Variants in SPRED2 observed in about 807,000 individuals in gnomAD.
SPRED2 encodes sprouty-related, EVH1 domain-containing protein 2.
In SPRED2, 47 loss-of-function variants were observed where a neutral mutation model predicts 43.0. The ratio of observed to expected loss-of-function variants is 1.09; its 90% CI spans 0.87 to 1.40. The LOEUF is 1.40. SPRED2 is among the 40% of genes most tolerant of loss of function. SPRED2 has a pLI of 0.00. For missense variants in SPRED2, 561 were observed against 586.4 expected, an observed-to-expected ratio of 0.96 and a Z score of 0.45; for synonymous variants, 225 against 225.7, an observed-to-expected ratio of 1.00 and a Z score of 0.03.
At chr2:65,399,375 C>G (rs984646045) in intron 1 of SPRED2, among the ~76,000 whole-genome samples, 21 of 147,022 alleles carry the variant, frequency 1.4e-4, no homozygotes, top group African/African-American at 5.0e-4. Context: ...GAACTGGAAA[C>G]TATTATTCTT....
At chr2:65,314,240 C>G in intron 5 of SPRED2, 71 bp from the exon 6 acceptor site, 3 of 1,421,472 alleles carry the variant, frequency 2.1e-6, no homozygotes, top group Non-Finnish European at 2.8e-6. Context: ...AAACACCCCA[C>G]CTTCTCCCTC....
chr2:65,387,795 TTC>T (rs200882803), intron 1 of SPRED2, among the ~76,000 whole-genome samples: 1,475 of 147,482 alleles, frequency 0.01, 32 homozygotes, highest in African/African-American at 0.034. Flanking sequence ...GCAAATTCTT[TTC>T]TTTTTCTTTT....
rs138643568 is a variant in SPRED2 at position 65,312,697 on chromosome 2, C to T, written c.*804G>A. The T allele has an allele frequency of 2.6e-3, 2,612 of 985,800 alleles. 2 individuals are homozygous for T. The highest frequency in any genetic ancestry group is 4.2e-3 in the Middle Eastern group (8 of 1,916). 61.1% of individuals were successfully genotyped at this position (985,800 alleles called of 1,614,324 possible). A position where few individuals can be genotyped will look rare whatever the true frequency, so the allele number is the denominator to read the frequency against. On this transcript the variant is annotated 3_prime_UTR_variant, in exon 6 of 6. Coordinates refer to ENST00000356388, the MANE Select transcript of SPRED2 (RefSeq NM_181784.3). ...GGAGGCTCATAGAAACCTGAAATCC[C>T]CATTCTAGCCCTGGTCCAAGAGGAT... is the stretch of plus-strand genomic sequence containing the variant.
intron 4 of SPRED2, among the ~76,000 whole-genome samples, chr2:65,320,910 A>G (rs1016893515): frequency 6.6e-6 from 1 of 152,210 alleles, no homozygotes; most frequent in Non-Finnish European, 1.5e-5. Context: ...TGAGGTATGC[A>G]CATACCTAAT....
At chr2:65,406,558 T>G (rs1464681240) in intron 1 of SPRED2, among the ~76,000 whole-genome samples, 2 of 152,224 alleles carry the variant, frequency 1.3e-5, no homozygotes, top group Non-Finnish European at 2.9e-5. Flanking sequence ...ATACTCTTCG[T>G]GCACCACATG....
intron 1 of SPRED2, among the ~76,000 whole-genome samples, chr2:65,371,249 T>A (rs1452962369): frequency 6.6e-6 from 1 of 152,190 alleles, no homozygotes; most frequent in Non-Finnish European, 1.5e-5. Flanking sequence ...CATTAATGGA[T>A]AATGCAGTTG....
At chr2:65,399,881 G>T (rs936210532) in intron 1 of SPRED2, among the ~76,000 whole-genome samples, 1 of 152,102 alleles carries the variant, frequency 6.6e-6, no homozygotes, top group Admixed American at 6.5e-5. Flanking sequence ...TATTGCTCAG[G>T]TGATGGGTGT....
chr2:65,367,627 G>A (rs955578810), intron 1 of SPRED2, among the ~76,000 whole-genome samples: 8 of 152,036 alleles, frequency 5.3e-5, no homozygotes, highest in Middle Eastern at 3.2e-3. Context: ...TGTATCCTGC[G>A]GCTGTTGTGA....
intron 1 of SPRED2, among the ~76,000 whole-genome samples, chr2:65,364,168 A>T (rs1215198307): frequency 6.6e-6 from 1 of 152,244 alleles, no homozygotes; most frequent in African/African-American, 2.4e-5. Flanking sequence ...TATACACAAT[A>T]GCAATGAGTG....
At chr2:65,356,713 C>T (rs11687535) in intron 1 of SPRED2, among the ~76,000 whole-genome samples, 6,867 of 151,870 alleles carry the variant, frequency 0.045, 262 homozygotes, top group Middle Eastern at 0.14. Flanking sequence ...GTTCTCTGGC[C>T]GGGCGCGGTG....
At chr2:65,351,225 A>T (rs1267319726) in intron 1 of SPRED2, among the ~76,000 whole-genome samples, 1 of 152,110 alleles carries the variant, frequency 6.6e-6, no homozygotes, top group Non-Finnish European at 1.5e-5. Context: ...AGCAATTGTC[A>T]AGAGAAGTCA....
chr2:65,315,518 T>G (rs1673207005), intron 5 of SPRED2, among the ~76,000 whole-genome samples: 1 of 152,182 alleles, frequency 6.6e-6, no homozygotes, highest in Non-Finnish European at 1.5e-5. Context: ...GGTATCAGAG[T>G]TGCCTAGATT....
In SPRED2 at chr2:65,400,439, AG is replaced by A. The variant is rs558671208; in HGVS notation, c.26+31522del. Among the ~76,000 whole-genome samples, 633 of 152,362 alleles carry A rather than the reference AG, an allele frequency of 4.2e-3. 6 individuals carry two copies. Among genetic ancestry groups the A allele is most frequent in the South Asian group, 0.026 (126 of 4,832 alleles). On this transcript the variant is annotated intron_variant, in intron 1 of 5. Coordinates refer to ENST00000356388, the MANE Select transcript of SPRED2 (RefSeq NM_181784.3). ...GAAACTGAAAAACTATTCTCTCAATAGGATCAAAAGCATTTTTGCTTGATGC... is the reference window on the plus strand; with the variant it reads ...GAAACTGAAAAACTATTCTCTCAATAGATCAAAAGCATTTTTGCTTGATGC...
rs1468361118 is a variant in SPRED2, at chr2:65,314,026, C to T, written c.732G>A (p.Ser244=). ...GCACGTAGGAGGAGTCCGCGTCCTC[C>T]GAGGGGTCCGGGTACTTGCCCCTGA... ...APVRGKYPDP[S]EDADSSYVRF... is the part of the protein sequence containing the mutation. Residue 244 remains serine, a synonymous_variant, in exon 6 of 6, where the codon TCG becomes TCA. Coordinates refer to ENST00000356388, the MANE Select transcript of SPRED2 (RefSeq NM_181784.3). The T allele has an allele frequency of 1.9e-6, 3 of 1,614,084 alleles. No individual in the cohort carries two copies. Among genetic ancestry groups the T allele is most frequent in the Admixed American group, 1.7e-5 (1 of 60,030 alleles).
chr2:65,406,841 G>T (rs2103745725), intron 1 of SPRED2, among the ~76,000 whole-genome samples: 1 of 152,268 alleles, frequency 6.6e-6, no homozygotes. Flanking sequence ...AGCCTTGAGA[G>T]TGAGGCAGGG....
intron 2 of SPRED2, chr2:65,344,110 C>T (rs2104262988): frequency 6.7e-6 from 1 of 148,178 alleles, no homozygotes; most frequent in South Asian, 1.8e-4. Flanking sequence ...GCACTCCAGC[C>T]TAGGTGACAG....
chr2:65,432,010 G>A lies in SPRED2; in HGVS notation c.-23C>T. 1 of 1,613,862 alleles carries A rather than the reference G, an allele frequency of 6.2e-7. No individual in the cohort carries two copies. Among genetic ancestry groups the A allele is most frequent in the Non-Finnish European group, 8.5e-7 (1 of 1,179,950 alleles). ...CATTTTCTTGTTCACCTAGACGCCT[G>A]TCCCGCGGCGGGCAGCTTTGCTCCC... On this transcript the variant is annotated 5_prime_UTR_variant, in exon 1 of 6. It introduces an in-frame stop codon into an upstream open reading frame of the 5' UTR. Transcript: ENST00000356388.
chr2:65,422,104 A>ACTCT (rs71398633), intron 1 of SPRED2, among the ~76,000 whole-genome samples: 63 of 129,024 alleles, frequency 4.9e-4, no homozygotes, highest in East Asian at 1.5e-3. Context: ...ACACACACAC[A>ACTCT]CTCTCTCTCT....
At chr2:65,337,781 G>C (rs1046027388) in intron 2 of SPRED2, among the ~76,000 whole-genome samples, 4 of 152,194 alleles carry the variant, frequency 2.6e-5, no homozygotes, top group African/African-American at 9.7e-5. Flanking sequence ...ATTTATGTCA[G>C]TAAGAATTGG....
Sources: allele counts gnomAD v4.1 joint callset (sites outside exome capture counted in the v4.1 genomes callset), GRCh38; gene constraint gnomAD v4.1.1; transcripts MANE v1.5; gene names NCBI Gene and HGNC (gene_info 2026-07-23, HGNC 2026-07-21).